Variants in AKAP6 observed in about 807,000 individuals in gnomAD.
AKAP6 encodes the protein A-kinase anchor protein 6.
AKAP6 carries 58 observed loss-of-function variants against 188.5 expected under a neutral mutation model. The ratio of observed to expected loss-of-function variants is 0.31; its 90% confidence interval spans 0.25 to 0.38. AKAP6 has a LOEUF of 0.38. Ranked by LOEUF, AKAP6 falls within the 10% of genes least tolerant of loss-of-function variation. The pLI, the probability that AKAP6 is intolerant of heterozygous loss-of-function variation, is 1.00. For missense variants in AKAP6, 2,710 were observed against 2,740.0 expected (o/e 0.99, Z 0.24); for synonymous variants, 989 against 998.6 (o/e 0.99, Z 0.18).
intron 4 of AKAP6, among the ~76,000 whole-genome samples, chr14:32,576,766 A>T (rs1249765838): frequency 1.3e-5 from 2 of 152,228 alleles, no homozygotes; most frequent in African/African-American, 4.8e-5. Context: ...TGTTCCTAGC[A>T]GACCTGACCT....
intron 7 of AKAP6, among the ~76,000 whole-genome samples, chr14:32,627,532 A>AAT (rs916705489): frequency 6.6e-6 from 1 of 152,066 alleles, no homozygotes; most frequent in East Asian, 1.9e-4. Context: ...ACCCCTAAAA[A>AAT]ATATATATTA....
intron 2 of AKAP6, among the ~76,000 whole-genome samples, chr14:32,492,909 C>A (rs7148474): frequency 0.091 from 13,864 of 152,082 alleles, 1,839 homozygotes; most frequent in African/African-American, 0.3. Context: ...TTTATGAAAA[C>A]CATAAAAATG....
chr14:32,471,444 T>G (rs897034540), intron 2 of AKAP6, among the ~76,000 whole-genome samples: 1 of 152,234 alleles, frequency 6.6e-6, no homozygotes, highest in Admixed American at 6.5e-5. Context: ...AGCAAGATCA[T>G]AGTGCTACTT....
Position 32,678,447 on chromosome 14 carries a change from TGG to T in AKAP6, c.2869_2870del (p.Gly957LysfsTer8). 6.2e-7 allele frequency: 1 copy of T among 1,613,892 alleles called. No individual in the cohort carries two copies. Among genetic ancestry groups the T allele is most frequent in the Non-Finnish European group, 8.5e-7 (1 of 1,179,852 alleles). On this transcript the variant is annotated frameshift_variant, in exon 8 of 14. Coordinates refer to ENST00000280979, the MANE Select transcript of AKAP6 (RefSeq NM_004274.5). LOFTEE classifies it high-confidence loss of function. ...GCTGATATGTCAAAAGTTCATTCAG[TGG>T]GAAGCAATGGGTAGGGAACTATTCT...
At chr14:32,787,253 C>G (rs998522269) in intron 12 of AKAP6, among the ~76,000 whole-genome samples, 3 of 152,236 alleles carry the variant, frequency 2.0e-5, no homozygotes, top group Non-Finnish European at 4.4e-5. Context: ...TTCTGCCTCT[C>G]AATCTTATTA....
chr14:32,349,613 CAA>C (rs1188962942), intron 1 of AKAP6, among the ~76,000 whole-genome samples: 1 of 152,156 alleles, frequency 6.6e-6, no homozygotes, highest in Non-Finnish European at 1.5e-5. Flanking sequence ...AAAATAATAA[CAA>C]TGATGGATTC....
chr14:32,464,589 C>T (rs539903340), intron 2 of AKAP6, among the ~76,000 whole-genome samples: 3 of 152,240 alleles, frequency 2.0e-5, no homozygotes, highest in African/African-American at 7.2e-5. Context: ...ATTGATGGAA[C>T]ATATCTCAAA....
At chr14:32,728,085 C>T (rs1358783321) in intron 9 of AKAP6, among the ~76,000 whole-genome samples, 3 of 152,022 alleles carry the variant, frequency 2.0e-5, no homozygotes, top group Non-Finnish European at 4.4e-5. Flanking sequence ...ACTCTTTGTT[C>T]ACCACTGAAT....
At position 32,695,578 on chromosome 14, in the gene AKAP6, T is replaced by G. The variant is rs897911910; in HGVS notation, c.2880-412T>G. 3.9e-5 allele frequency among the ~76,000 whole-genome samples: 6 copies of G among 152,176 alleles called. No individual in the cohort carries two copies. The South Asian group carries it at 1.2e-3, about 32-fold the overall frequency. ...CTAGTAGAGGGGAAAGGGGTTCCAA[T>G]TTTGAGAGTGCTGTTCTTACCCAAA... On this transcript the variant is annotated intron_variant, in intron 8 of 13. Coordinates refer to ENST00000280979, the MANE Select transcript of AKAP6 (RefSeq NM_004274.5).
intron 2 of AKAP6, among the ~76,000 whole-genome samples, chr14:32,469,818 A>G (rs1002239730): frequency 6.6e-6 from 1 of 152,148 alleles, no homozygotes; most frequent in Non-Finnish European, 1.5e-5. Context: ...TCTGTTTCCA[A>G]AATGAAAGAT....
chr14:32,613,767 A>G (rs1031452149), intron 7 of AKAP6, among the ~76,000 whole-genome samples: 1 of 152,100 alleles, frequency 6.6e-6, no homozygotes. Flanking sequence ...TTGATCACAC[A>G]TTGTTCCTCT....
intron 7 of AKAP6, chr14:32,628,057 G>GA (rs1424780034): frequency 6.6e-6 from 1 of 152,058 alleles, no homozygotes; most frequent in East Asian, 1.9e-4. Flanking sequence ...ACCTGTAATG[G>GA]AAAAATGCAA....
In AKAP6 at chr14:32,823,811, G is replaced by T. The variant is rs776866605; in HGVS notation, c.5998G>T (p.Asp2000Tyr). Residue 2000 changes from aspartate (D) to tyrosine (Y), a missense_variant, in exon 13 of 14, where the codon GAT (aspartate) becomes TAT (tyrosine). This residue lies in a region of AKAP6 where 2,473 missense variants were observed against 2,426.1 expected (regional missense o/e 1.02). Coordinates refer to ENST00000280979, the MANE Select transcript of AKAP6 (RefSeq NM_004274.5). ...CAGGTTTAACAACAGACAAGACTCTGATGCACTGAAATCATCTGATGATGC... is the reference window on the plus strand; with the variant it reads ...CAGGTTTAACAACAGACAAGACTCTTATGCACTGAAATCATCTGATGATGC... ...ETRFNNRQDS[D>Y]ALKSSDDAPS... 12 of 1,613,388 alleles carry T rather than the reference G, an allele frequency of 7.4e-6. No homozygotes were observed. Among genetic ancestry groups the T allele is most frequent in the Non-Finnish European group, 1.0e-5 (12 of 1,179,910 alleles).
At chr14:32,721,572 C>T (rs879266071) in intron 9 of AKAP6, among the ~76,000 whole-genome samples, 6 of 152,152 alleles carry the variant, frequency 3.9e-5, no homozygotes, top group South Asian at 4.1e-4. Flanking sequence ...GGATTGAAGA[C>T]AGTTTTAGAA....
intron 8 of AKAP6, among the ~76,000 whole-genome samples, chr14:32,688,602 C>T (rs564509243): frequency 5.3e-5 from 8 of 152,168 alleles, no homozygotes; most frequent in South Asian, 4.1e-4. Flanking sequence ...TATCAGATGA[C>T]GCACAACTTC....
intron 1 of AKAP6, among the ~76,000 whole-genome samples, chr14:32,389,712 C>G (rs986561036): frequency 2.0e-5 from 3 of 152,252 alleles, no homozygotes; most frequent in Admixed American, 1.3e-4. Context: ...GCTGATAAAT[C>G]TGCTGTTAAT....
intron 9 of AKAP6, among the ~76,000 whole-genome samples, chr14:32,706,652 A>G (rs1890823196): frequency 6.6e-6 from 1 of 152,092 alleles, no homozygotes; most frequent in African/African-American, 2.4e-5. Context: ...TCCTAAGCAT[A>G]TTTTTAATAA....
chr14:32,363,805 C>T (rs1052585555), intron 1 of AKAP6, among the ~76,000 whole-genome samples: 3 of 152,206 alleles, frequency 2.0e-5, no homozygotes, highest in Non-Finnish European at 2.9e-5. Context: ...AAATACTTTG[C>T]ATCCTTCCAT....
chr14:32,782,290 A>C (rs543060449), intron 12 of AKAP6, among the ~76,000 whole-genome samples: 1 of 151,428 alleles, frequency 6.6e-6, no homozygotes, highest in South Asian at 2.1e-4. Context: ...GCTAAGAAAC[A>C]GTTAACATCA....
Sources: gnomAD v4.1 joint callset for allele counts (sites outside exome capture counted in the v4.1 genomes callset) on GRCh38, gnomAD v4.1.1 for gene constraint, gnomAD v4.1.1 regional missense constraint, MANE v1.5 for transcripts, NCBI Gene and HGNC (gene_info 2026-07-23, HGNC 2026-07-21) for gene names.